The following BCAR3 variants were observed in gnomAD, a reference collection of about 807,000 sequenced individuals.
BCAR3 encodes the protein BCAR3 adaptor protein, NSP family member.
A neutral mutation model predicts 80.1 loss-of-function variants in BCAR3; 37 were observed. That is an observed-to-expected ratio of 0.46 (90% confidence interval 0.36 to 0.61). The LOEUF (loss-of-function observed/expected upper bound fraction) is 0.61. BCAR3 is among the 20% of genes least tolerant of loss of function. The pLI is 0.00. For synonymous variants in BCAR3, 389 were observed against 418.9 expected, an observed-to-expected ratio of 0.93 and a Z score of 0.87; for missense variants, 978 against 1,068.2, an observed-to-expected ratio of 0.92 and a Z score of 1.18.
rs577650720 is a variant in BCAR3 at position 93,767,830 on chromosome 1, A to G, written c.-62-61688T>C. Reference sequence around the variant, plus strand: ...CTCGGGGCAAACAGAAAATGGGTTAAGTGAAAATAACAGTTTAATTTACTT... The same window carrying G: ...CTCGGGGCAAACAGAAAATGGGTTAGGTGAAAATAACAGTTTAATTTACTT... On this transcript the variant is annotated intron_variant, in intron 2 of 13. Coordinates refer to the BCAR3 transcript ENST00000370244. 9.6e-5 allele frequency among the ~76,000 whole-genome samples: 14 copies of G among 145,186 alleles called. No individual in the cohort carries two copies. In the South Asian group the frequency reaches 1.2e-3, roughly 13 times the overall value.
At chr1:93,838,269 G>A (rs1438615745) in intron 2 of BCAR3, among the ~76,000 whole-genome samples, 1 of 152,226 alleles carries the variant, frequency 6.6e-6, no homozygotes, top group Non-Finnish European at 1.5e-5. Context: ...TCACAACATG[G>A]CAAAGGAGAT....
At chr1:93,799,525 T>C (rs2100786426) in intron 2 of BCAR3, among the ~76,000 whole-genome samples, 1 of 152,344 alleles carries the variant, frequency 6.6e-6, no homozygotes, top group East Asian at 1.9e-4. Flanking sequence ...TTACTTTATC[T>C]GAATTTATAT....
rs11164950 is a variant in BCAR3, at chr1:93,562,756, G to A, written c.2300-337C>T. Among the ~76,000 whole-genome samples, 11 of 122,192 alleles carry A rather than the reference G, an allele frequency of 9.0e-5. No homozygotes were observed. The East Asian group carries it at 1.4e-3, about 16-fold the overall frequency. 80.2% of individuals were successfully genotyped at this position (122,192 alleles called of 152,430 possible). ...CTGCACTGCAGCCTGGGTGACAAGC[G>A]AGACTCCATCTCAAAAAAAAAAAAA... On this transcript the variant is annotated intron_variant, in intron 11 of 11. Coordinates refer to ENST00000260502, the MANE Select transcript of BCAR3 (RefSeq NM_003567.4).
chr1:93,796,908 C>T (rs1184722841), intron 2 of BCAR3, among the ~76,000 whole-genome samples: 6 of 152,090 alleles, frequency 3.9e-5, no homozygotes, highest in South Asian at 2.1e-4. Context: ...TGGGAGAACA[C>T]GGGTATTATT....
chr1:93,759,632 CCCACTA>C (rs1455396065), intron 2 of BCAR3, among the ~76,000 whole-genome samples: 2 of 152,244 alleles, frequency 1.3e-5, no homozygotes, highest in East Asian at 3.9e-4. Flanking sequence ...TGCTGGAAAG[CCCACTA>C]GGTACCTGTC....
intron 3 of BCAR3, among the ~76,000 whole-genome samples, chr1:93,622,149 T>C (rs1371489102): frequency 6.6e-6 from 1 of 152,162 alleles, no homozygotes; most frequent in Admixed American, 6.5e-5. Flanking sequence ...CTCACCCTCC[T>C]AGGCCTCCCA....
intron 2 of BCAR3, chr1:93,845,502 A>ATATATATCATGTTGTC: frequency 1.8e-5 from 2 of 113,822 alleles, no homozygotes; most frequent in African/African-American, 3.5e-5. Context: ...ATATATATAT[A>ATATATATCATGTTGTC]AAACTTTGTT....
chr1:93,597,641 T>G (rs1179102627), intron 3 of BCAR3, among the ~76,000 whole-genome samples: 3 of 152,252 alleles, frequency 2.0e-5, no homozygotes, highest in African/African-American at 7.2e-5. Context: ...ATCCCTGGCA[T>G]GTAGTCAGCA....
chr1:93,606,742 G>C (rs1177695772), intron 3 of BCAR3, among the ~76,000 whole-genome samples: 1 of 152,176 alleles, frequency 6.6e-6, no homozygotes, highest in African/African-American at 2.4e-5. Flanking sequence ...ATGGGATACA[G>C]CATGAGAAGA....
At chr1:93,749,044 T>C (rs1026219235) in intron 2 of BCAR3, among the ~76,000 whole-genome samples, 1 of 152,170 alleles carries the variant, frequency 6.6e-6, no homozygotes, top group Non-Finnish European at 1.5e-5. Flanking sequence ...ATGATCTGCA[T>C]TAACTACAGG....
chr1:93,651,804 C>T (rs1486224001), intron 2 of BCAR3, among the ~76,000 whole-genome samples: 1 of 152,190 alleles, frequency 6.6e-6, no homozygotes, highest in Admixed American at 6.5e-5. Context: ...ACTCCCTTCC[C>T]CTCCCCCTTT....
intron 2 of BCAR3, chr1:93,753,422 C>T (rs893202452): frequency 2.6e-5 from 4 of 152,218 alleles, no homozygotes; most frequent in Non-Finnish European, 5.9e-5. Flanking sequence ...AGTGGAGACA[C>T]ATCAACCTCT....
intron 2 of BCAR3, among the ~76,000 whole-genome samples, chr1:93,716,711 G>A (rs1040057477): frequency 1.3e-5 from 2 of 152,208 alleles, no homozygotes; most frequent in African/African-American, 4.8e-5. Context: ...CTCCCACAGC[G>A]CCTTGGAGAA....
chr1:93,681,595 C>T lies in BCAR3; in HGVS notation c.-12+3G>A, dbSNP rs1648766833. On this transcript the variant is annotated splice_donor_region_variant and intron_variant, in intron 1 of 11. Transcript: ENST00000260502. ...GGACGCTGGGCGCGCGGCGGAGACT[C>T]ACCTCCCGGCGCGGCGCTGGGCGCT... 6.6e-6 allele frequency: 1 copy of T among 152,002 alleles called. No homozygotes were observed. Among genetic ancestry groups the T allele is most frequent in the Non-Finnish European group, 1.5e-5 (1 of 67,996 alleles). The allele number at this position is 152,002 out of a possible 1,614,324, so 9.4% of individuals were successfully genotyped here.
intron 3 of BCAR3, chr1:93,602,573 C>G (rs1346803188): frequency 6.6e-6 from 1 of 152,228 alleles, no homozygotes; most frequent in Admixed American, 6.5e-5. Context: ...TAAATCCAAC[C>G]CGAAATGAAG....
chr1:93,724,149 G>C (rs984818548), intron 2 of BCAR3, among the ~76,000 whole-genome samples: 1 of 152,208 alleles, frequency 6.6e-6, no homozygotes, highest in Admixed American at 6.5e-5. Context: ...CTTAGCCAAA[G>C]TGAAAACAAG....
intron 3 of BCAR3, among the ~76,000 whole-genome samples, chr1:93,687,632 C>G (rs1356429553): frequency 6.6e-6 from 1 of 152,126 alleles, no homozygotes; most frequent in African/African-American, 2.4e-5. Flanking sequence ...AATATTGCAA[C>G]CCTGGGTTCC....
intron 2 of BCAR3, among the ~76,000 whole-genome samples, chr1:93,830,624 C>T (rs1367141039): frequency 6.6e-6 from 1 of 152,140 alleles, no homozygotes; most frequent in African/African-American, 2.4e-5. Context: ...TAAAATGGCC[C>T]CACCCCTATC....
intron 2 of BCAR3, among the ~76,000 whole-genome samples, chr1:93,801,329 G>T (rs1221867276): frequency 6.6e-6 from 1 of 152,134 alleles, no homozygotes; most frequent in Non-Finnish European, 1.5e-5. Context: ...CCAATTTATC[G>T]CAAGTTTCAC....
Sources: gnomAD v4.1 joint callset for allele counts (sites outside exome capture counted in the v4.1 genomes callset) on GRCh38, gnomAD v4.1.1 for gene constraint, MANE v1.5 for transcripts, NCBI Gene and HGNC (gene_info 2026-07-23, HGNC 2026-07-21) for gene names.